SBF2: variants seen among roughly 807,000 people sequenced by gnomAD.
The protein encoded by SBF2 is myotubularin-related protein 13.
SBF2 carries 112 observed loss-of-function variants against 225.2 expected under a neutral mutation model. The observed-to-expected ratio is 0.50, with a 90% CI of 0.43 to 0.58. The LOEUF is 0.58. Ranked by LOEUF, SBF2 falls within the 20% of genes least tolerant of loss-of-function variation. SBF2 has a pLI of 0.00. For missense variants in SBF2, 1,996 were observed against 2,206.2 expected (o/e 0.90, Z 1.91); for synonymous variants, 763 against 773.3 (o/e 0.99, Z 0.22).
At chr11:9,882,812 A>AAAG (rs1859929238) in intron 17 of SBF2, among the ~76,000 whole-genome samples, 1 of 83,948 alleles carries the variant, frequency 1.2e-5, no homozygotes, top group Non-Finnish European at 2.2e-5. Flanking sequence ...AAAAAAAAAA[A>AAAG]AAAAAAAACC....
At chr11:10,160,765 A>G (rs1167447652) in intron 2 of SBF2, among the ~76,000 whole-genome samples, 1 of 152,148 alleles carries the variant, frequency 6.6e-6, no homozygotes, top group Non-Finnish European at 1.5e-5. Context: ...ATACCCTTGT[A>G]TCTTTTCATA....
rs143021515 is a variant in SBF2 at position 9,903,782 on chromosome 11, G to A, written c.1861-7771C>T. On this transcript the variant is annotated intron_variant, in intron 16 of 39. Coordinates refer to ENST00000256190, the MANE Select transcript of SBF2 (RefSeq NM_030962.4). ...CCTTACACTTGGGAGGTGAGCATGC[G>A]CAGTGTGTTTAGGAAGTTGTATGCA... is the stretch of plus-strand genomic sequence containing the variant. Among the ~76,000 whole-genome samples, 514 of 152,210 alleles carry A rather than the reference G, an allele frequency of 3.4e-3. 3 individuals are homozygous for A. The highest frequency in any genetic ancestry group is 0.01 in the Middle Eastern group (3 of 294).
intron 1 of SBF2, among the ~76,000 whole-genome samples, chr11:10,278,232 C>G (rs1389078375): frequency 5.9e-5 from 9 of 152,036 alleles, no homozygotes; most frequent in Non-Finnish European, 8.8e-5. Context: ...AAACCTACAG[C>G]TATAACTAAA....
chr11:10,094,797 C>T (rs1322082739), intron 2 of SBF2, among the ~76,000 whole-genome samples: 2 of 151,838 alleles, frequency 1.3e-5, no homozygotes, highest in African/African-American at 2.4e-5. Context: ...GAGCCACCGT[C>T]CCTGGCCCAA....
At chr11:10,038,333 T>G (rs992290194) in intron 3 of SBF2, among the ~76,000 whole-genome samples, 1 of 151,960 alleles carries the variant, frequency 6.6e-6, no homozygotes, top group African/African-American at 2.4e-5. Context: ...TTAAATAAAA[T>G]AGAATGAAAT....
intron 17 of SBF2, among the ~76,000 whole-genome samples, chr11:9,885,926 G>T (rs1860258227): frequency 6.6e-6 from 1 of 152,118 alleles, no homozygotes; most frequent in Non-Finnish European, 1.5e-5. Flanking sequence ...TAGGAGATGG[G>T]ATGCGTTCTC....
chr11:10,159,012 T>C (rs1386990125), intron 2 of SBF2, among the ~76,000 whole-genome samples: 4 of 151,472 alleles, frequency 2.6e-5, no homozygotes, highest in East Asian at 3.8e-4. Context: ...AGTCTATATA[T>C]GTCAAGTCCA....
intron 1 of SBF2, among the ~76,000 whole-genome samples, chr11:10,291,043 A>G (rs943362767): frequency 6.6e-6 from 1 of 152,212 alleles, no homozygotes. Flanking sequence ...GTTCTCAAAG[A>G]GTGATGGGGA....
intron 2 of SBF2, among the ~76,000 whole-genome samples, chr11:10,177,975 G>C (rs879288985): frequency 0.023 from 3,053 of 134,074 alleles, 40 homozygotes; most frequent in East Asian, 0.083. Context: ...AAACAGCATG[G>C]TACTGGTACC....
chr11:10,115,153 G>A (rs1314655116), intron 2 of SBF2, among the ~76,000 whole-genome samples: 51 of 151,970 alleles, frequency 3.4e-4, no homozygotes, highest in Admixed American at 3.1e-3. Context: ...TCCTGGCCTC[G>A]GTGAACAAAT....
At chr11:10,015,768 T>C (rs999054943) in intron 6 of SBF2, among the ~76,000 whole-genome samples, 12 of 152,148 alleles carry the variant, frequency 7.9e-5, no homozygotes, top group African/African-American at 2.7e-4. Flanking sequence ...TCAAGTCTAG[T>C]CTTTTTAAAT....
chr11:9,843,615 T>C (rs1455119212), intron 24 of SBF2, among the ~76,000 whole-genome samples: 1 of 152,226 alleles, frequency 6.6e-6, no homozygotes, highest in East Asian at 1.9e-4. Context: ...TGGTGTTTTC[T>C]TGCCATTCAG....
At chr11:10,042,164 A>C (rs1949679881) in intron 3 of SBF2, among the ~76,000 whole-genome samples, 1 of 152,178 alleles carries the variant, frequency 6.6e-6, no homozygotes. Context: ...TAAAAGGTGG[A>C]AGGAATATGG....
chr11:9,837,401 C>T (rs1855796499), intron 26 of SBF2, among the ~76,000 whole-genome samples: 1 of 152,142 alleles, frequency 6.6e-6, no homozygotes, highest in Non-Finnish European at 1.5e-5. Context: ...ATAAATAAAA[C>T]TCATAAGTGT....
At chr11:10,280,413 C>A (rs1170147707) in intron 1 of SBF2, among the ~76,000 whole-genome samples, 1 of 152,168 alleles carries the variant, frequency 6.6e-6, no homozygotes, top group African/African-American at 2.4e-5. Flanking sequence ...CACTCTTCTA[C>A]CTTTAAAATG....
intron 3 of SBF2, 108 bp downstream of exon 3, chr11:10,042,736 C>T: frequency 1.8e-6 from 2 of 1,124,554 alleles, no homozygotes; most frequent in African/African-American, 3.1e-5. Flanking sequence ...GCTTCTTATG[C>T]TAGCCCATAA....
intron 2 of SBF2, among the ~76,000 whole-genome samples, chr11:10,118,922 AAAC>A (rs1428447805): frequency 2.0e-5 from 3 of 149,016 alleles, no homozygotes; most frequent in East Asian, 4.1e-4. Flanking sequence ...AAACAAAACT[AAAC>A]AAACAAACAA....
intron 2 of SBF2, among the ~76,000 whole-genome samples, chr11:10,160,199 TAAAC>T (rs1261913776): frequency 1.3e-5 from 2 of 152,148 alleles, no homozygotes; most frequent in African/African-American, 4.8e-5. Context: ...TTAGAAGTAA[TAAAC>T]AAGTTCAGTA....
At chr11:10,148,743 G>T (rs1461586116) in intron 2 of SBF2, among the ~76,000 whole-genome samples, 1 of 149,886 alleles carries the variant, frequency 6.7e-6, no homozygotes, top group African/African-American at 2.5e-5. Flanking sequence ...ACCGCATTTA[G>T]AAATGCAAAA....
Sources: gnomAD v4.1 joint callset for allele counts (sites outside exome capture counted in the v4.1 genomes callset) on GRCh38, gnomAD v4.1.1 for gene constraint, MANE v1.5 for transcripts, NCBI Gene and HGNC (gene_info 2026-07-23, HGNC 2026-07-21) for gene names.